The following PTPRD variants were observed in gnomAD, a reference collection of about 807,000 sequenced individuals.
PTPRD encodes the protein protein tyrosine phosphatase receptor type D, also known as receptor-type tyrosine-protein phosphatase delta.
In PTPRD, 34 loss-of-function variants were observed where a neutral mutation model predicts 214.5. The ratio of observed to expected loss-of-function variants is 0.16; its 90% CI spans 0.12 to 0.21. The LOEUF (loss-of-function observed/expected upper bound fraction) is 0.21. PTPRD is among the 10% of genes least tolerant of loss of function. PTPRD has a pLI of 1.00. For synonymous variants in PTPRD, 1,128 were observed against 845.7 expected (o/e 1.33, Z -5.79); for missense variants, 2,545 against 2,398.7 (o/e 1.06, Z -1.27).
At chr9:10,514,078 A>G (rs565629882) in intron 2 of PTPRD, among the ~76,000 whole-genome samples, 2 of 152,260 alleles carry the variant, frequency 1.3e-5, no homozygotes, top group African/African-American at 4.8e-5. Context: ...AACAAATCCA[A>G]TCTACATTTT....
intron 5 of PTPRD, among the ~76,000 whole-genome samples, chr9:9,902,249 T>A (rs2076575937): frequency 6.6e-6 from 1 of 152,206 alleles, no homozygotes; most frequent in Non-Finnish European, 1.5e-5. Flanking sequence ...TTATCTATTT[T>A]TAATTTACAG....
chr9:10,085,156 T>A (rs1373877569), intron 3 of PTPRD, among the ~76,000 whole-genome samples: 1 of 151,878 alleles, frequency 6.6e-6, no homozygotes, highest in Non-Finnish European at 1.5e-5. Context: ...TAAAATAATG[T>A]AAAAACCATT....
At chr9:9,608,753 G>C (rs1193480961) in intron 7 of PTPRD, among the ~76,000 whole-genome samples, 1 of 152,154 alleles carries the variant, frequency 6.6e-6, no homozygotes, top group Non-Finnish European at 1.5e-5. Flanking sequence ...CACTTAACTT[G>C]CTTCATGATT....
At chr9:8,698,369 A>C (rs1203586439) in intron 12 of PTPRD, among the ~76,000 whole-genome samples, 1 of 152,214 alleles carries the variant, frequency 6.6e-6, no homozygotes, top group Non-Finnish European at 1.5e-5. Flanking sequence ...TAGTGTAAAA[A>C]ACGGTGGCTG....
intron 9 of PTPRD, among the ~76,000 whole-genome samples, chr9:9,199,554 A>C (rs906542389): frequency 1.3e-5 from 2 of 152,214 alleles, no homozygotes; most frequent in Non-Finnish European, 2.9e-5. Context: ...AGAACTGATA[A>C]AAGTGTTATA....
At chr9:8,506,764 CTG>C (rs2097550481) in intron 22 of PTPRD, among the ~76,000 whole-genome samples, 1 of 152,198 alleles carries the variant, frequency 6.6e-6, no homozygotes, top group Admixed American at 6.5e-5. Flanking sequence ...CTTCTACAAT[CTG>C]TTATTTCATT....
chr9:10,088,691 G>C (rs564612336), intron 3 of PTPRD, among the ~76,000 whole-genome samples: 2 of 151,830 alleles, frequency 1.3e-5, no homozygotes, highest in Admixed American at 1.3e-4. Flanking sequence ...CTTTATTTTA[G>C]TTTCCTTGTT....
chr9:10,133,702 C>G (rs1197690880), intron 3 of PTPRD, among the ~76,000 whole-genome samples: 1 of 151,986 alleles, frequency 6.6e-6, no homozygotes, highest in Non-Finnish European at 1.5e-5. Flanking sequence ...TAGATAGTAA[C>G]AAAGTTAATT....
chr9:10,503,202 A>AAAAAAAAC (rs1555437225), intron 2 of PTPRD, among the ~76,000 whole-genome samples: 1 of 133,050 alleles, frequency 7.5e-6, no homozygotes, highest in Non-Finnish European at 1.5e-5. Flanking sequence ...ACAAAAAAAA[A>AAAAAAAAC]AAAAACAAAA....
At chr9:8,693,152 GT>G (rs2097843848) in intron 12 of PTPRD, among the ~76,000 whole-genome samples, 1 of 152,154 alleles carries the variant, frequency 6.6e-6, no homozygotes, top group African/African-American at 2.4e-5. Context: ...AAGGTTGAAG[GT>G]AAGTTTCACA....
intron 11 of PTPRD, chr9:8,859,936 C>T (rs1460075394): frequency 6.6e-6 from 1 of 152,100 alleles, no homozygotes; most frequent in Non-Finnish European, 1.5e-5. Flanking sequence ...GTTTACCCTC[C>T]AATCATTCTG....
intron 9 of PTPRD, among the ~76,000 whole-genome samples, chr9:9,273,780 T>C (rs1226211333): frequency 2.6e-5 from 4 of 151,324 alleles, no homozygotes; most frequent in Admixed American, 1.3e-4. Context: ...TAAGAGATTA[T>C]AATGAGGTCT....
intron 9 of PTPRD, among the ~76,000 whole-genome samples, chr9:9,272,728 T>G (rs1490933607): frequency 1.3e-5 from 2 of 151,324 alleles, no homozygotes; most frequent in Non-Finnish European, 3.0e-5. Flanking sequence ...TCTTGTTTTT[T>G]GACACACGTT....
intron 5 of PTPRD, among the ~76,000 whole-genome samples, chr9:9,853,178 CT>C (rs1417628158): frequency 2.6e-5 from 4 of 152,140 alleles, no homozygotes; most frequent in Non-Finnish European, 1.5e-5. Context: ...ATATCTTAGC[CT>C]TTTCAGGACA....
intron 10 of PTPRD, among the ~76,000 whole-genome samples, chr9:9,029,098 TTATC>T (rs528734765): frequency 1.3e-5 from 2 of 152,064 alleles, no homozygotes; most frequent in Admixed American, 6.6e-5. Context: ...TTAGTCATTA[TTATC>T]TATTAAAATG....
At chr9:8,849,171 ATT>A (rs746565485) in intron 11 of PTPRD, among the ~76,000 whole-genome samples, 13 of 108,724 alleles carry the variant, frequency 1.2e-4, no homozygotes, top group Middle Eastern at 6.6e-3. Flanking sequence ...TCAAAAAAAA[ATT>A]TTTTTTTTTT....
intron 3 of PTPRD, among the ~76,000 whole-genome samples, chr9:10,335,988 G>C (rs1426997285): frequency 6.6e-6 from 1 of 151,758 alleles, no homozygotes. Context: ...TTCATTGCTG[G>C]TGGGAGTGCA....
At chr9:8,418,559 G>C (rs1385851710) in intron 35 of PTPRD, among the ~76,000 whole-genome samples, 2 of 150,030 alleles carry the variant, frequency 1.3e-5, no homozygotes, top group Admixed American at 1.3e-4. Context: ...TAAAATGTAT[G>C]TAAAATACAT....
chr9:9,675,657 T>C (rs1261971429), intron 7 of PTPRD, among the ~76,000 whole-genome samples: 1 of 151,900 alleles, frequency 6.6e-6, no homozygotes, highest in East Asian at 1.9e-4. Context: ...TAAAATTCTA[T>C]GAAATTAGCA....
Sources: allele counts gnomAD v4.1 joint callset (sites outside exome capture counted in the v4.1 genomes callset), GRCh38; gene constraint gnomAD v4.1.1; transcripts MANE v1.5; gene names NCBI Gene and HGNC (gene_info 2026-07-23, HGNC 2026-07-21).